SWAP70: variants seen among roughly 807,000 people sequenced by gnomAD.
The protein encoded by SWAP70 is switch-associated protein 70.
In SWAP70, 34 loss-of-function variants were observed where a neutral mutation model predicts 80.2. The ratio of observed to expected loss-of-function variants is 0.42; its 90% CI spans 0.32 to 0.56. SWAP70 has a LOEUF of 0.56. Ranked by LOEUF, SWAP70 falls within the 20% of genes least tolerant of loss-of-function variation. The probability of loss-of-function intolerance (pLI) is 0.09; values close to 1 mark genes in which losing one functional copy is unlikely to be tolerated. For synonymous variants in SWAP70, 239 were observed against 238.5 expected (o/e 1.00, Z -0.02); for missense variants, 578 against 690.7 (o/e 0.84, Z 1.83).
chr11:9,685,531 A>G (rs1373434718), intron 1 of SWAP70, among the ~76,000 whole-genome samples: 1 of 152,114 alleles, frequency 6.6e-6, no homozygotes, highest in Non-Finnish European at 1.5e-5. Context: ...AGAAGGGCAA[A>G]AGAGACTAGG....
At chr11:9,740,380 G>A in intron 9 of SWAP70, 33 bp downstream of exon 9, 1 of 1,610,456 alleles carries the variant, frequency 6.2e-7, no homozygotes, top group Non-Finnish European at 8.5e-7. Context: ...TTGCCTTTAT[G>A]TACTTTGCCT....
intron 1 of SWAP70, among the ~76,000 whole-genome samples, chr11:9,692,636 G>A (rs985098549): frequency 5.3e-5 from 8 of 152,244 alleles, no homozygotes; most frequent in Admixed American, 3.9e-4. Context: ...GATCTGAGAA[G>A]TGTGCATTTC....
intron 2 of SWAP70, 70 bp downstream of exon 2, chr11:9,694,356 C>G (rs1464503035): frequency 4.1e-6 from 6 of 1,476,856 alleles, no homozygotes; most frequent in Middle Eastern, 2.0e-4. Flanking sequence ...CCAAAAGCCC[C>G]CTGTTGGTGA....
chr11:9,731,543 T>C (rs1851298192), intron 6 of SWAP70, among the ~76,000 whole-genome samples: 1 of 152,232 alleles, frequency 6.6e-6, no homozygotes, highest in African/African-American at 2.4e-5. Flanking sequence ...GAATAAGTTA[T>C]GGTTTAGCTG....
At chr11:9,697,753 T>A (rs551376428) in intron 2 of SWAP70, among the ~76,000 whole-genome samples, 5 of 152,242 alleles carry the variant, frequency 3.3e-5, no homozygotes, top group Non-Finnish European at 7.3e-5. Flanking sequence ...CGCCTATGTA[T>A]ATGTGTGTGT....
intron 1 of SWAP70, among the ~76,000 whole-genome samples, chr11:9,678,363 AAG>A (rs1850526118): frequency 6.6e-6 from 1 of 152,152 alleles, no homozygotes; most frequent in African/African-American, 2.4e-5. Context: ...TCTCTAAATA[AAG>A]AGAAAATTAC....
intron 3 of SWAP70, among the ~76,000 whole-genome samples, chr11:9,717,632 C>T (rs1445734753): frequency 1.4e-5 from 2 of 145,182 alleles, no homozygotes; most frequent in African/African-American, 5.1e-5. Context: ...TGCATTGTAG[C>T]CTGGGAGATA....
At chr11:9,698,497 C>T (rs916280514) in intron 2 of SWAP70, among the ~76,000 whole-genome samples, 7 of 152,012 alleles carry the variant, frequency 4.6e-5, no homozygotes, top group African/African-American at 1.4e-4. Context: ...CTCTGCCTCC[C>T]GGGCTCAAGC....
chr11:9,674,366 CTT>C (rs1243032750), intron 1 of SWAP70, among the ~76,000 whole-genome samples: 2 of 152,088 alleles, frequency 1.3e-5, no homozygotes, highest in African/African-American at 2.4e-5. Flanking sequence ...TTTTGTCAAA[CTT>C]ATCAATAAAA....
At position 9,751,669 on chromosome 11, in the gene SWAP70, GTGTA is replaced by G. The variant is rs1336125304; in HGVS notation, c.*1705_*1708del. ...TAGAGAGAGTGGTATTAGAGATTCA[GTGTA>G]TGTATTTATTTACATGAGAGGAAAC... On this transcript the variant is annotated 3_prime_UTR_variant, in exon 12 of 12. Transcript: ENST00000318950. 3.3e-5 allele frequency: 3 copies of G among 91,570 alleles called. No homozygotes were observed. Among genetic ancestry groups the G allele is most frequent in the African/African-American group, 1.1e-4 (3 of 26,658 alleles). The allele number at this position is 91,570 out of a possible 1,614,324, so 5.7% of individuals were successfully genotyped here. A position where few individuals can be genotyped will look rare whatever the true frequency, so the allele number is the denominator to read the frequency against.
intron 2 of SWAP70, among the ~76,000 whole-genome samples, chr11:9,697,926 A>G (rs1010186113): frequency 2.0e-5 from 3 of 152,054 alleles, no homozygotes; most frequent in African/African-American, 7.2e-5. Context: ...TAAGGACTAC[A>G]GCTGCGTGCC....
chr11:9,665,454 T>C (rs956561501), intron 1 of SWAP70, among the ~76,000 whole-genome samples: 1 of 152,208 alleles, frequency 6.6e-6, no homozygotes, highest in African/African-American at 2.4e-5. Flanking sequence ...TTCTATAAAT[T>C]TCAACATATG....
chr11:9,699,657 C>G (rs78361898), intron 2 of SWAP70, among the ~76,000 whole-genome samples: 2 of 151,964 alleles, frequency 1.3e-5, no homozygotes, highest in Non-Finnish European at 2.9e-5. Context: ...GAGTTCAAGA[C>G]CATCCTGGGT....
At chr11:9,725,384 AAT>A (rs200160513) in intron 4 of SWAP70, among the ~76,000 whole-genome samples, 5 of 148,082 alleles carry the variant, frequency 3.4e-5, no homozygotes, top group East Asian at 2.0e-4. Flanking sequence ...ATACAGTTAA[AAT>A]ATATATATAT....
In SWAP70 at chr11:9,713,585, T is replaced by G. The variant is rs1261425106; in HGVS notation, c.360T>G (p.Val120=). Residue 120 remains valine (V), a synonymous_variant, in exon 3 of 12, where the codon GTT becomes GTG. Coordinates refer to ENST00000318950, the MANE Select transcript of SWAP70 (RefSeq NM_015055.4). ...ITEEDAFKIW[V]IFNFLSEDKY... ...AAGAAGATGCATTTAAAATATGGGT[T>G]ATTTTCAACTTTTTATCTGAGGACA... 6.2e-7 allele frequency: 1 copy of G among 1,613,878 alleles called. No homozygotes were observed. The highest frequency in any genetic ancestry group is 1.3e-5 in the African/African-American group (1 of 74,932).
chr11:9,694,573 A>T (rs1850732660), intron 2 of SWAP70, among the ~76,000 whole-genome samples: 1 of 152,196 alleles, frequency 6.6e-6, no homozygotes, highest in Non-Finnish European at 1.5e-5. Context: ...TGCTTTAAAA[A>T]AATCAAGTCT....
intron 6 of SWAP70, among the ~76,000 whole-genome samples, chr11:9,730,213 G>A (rs1190461810): frequency 2.0e-5 from 3 of 151,788 alleles, no homozygotes; most frequent in East Asian, 3.9e-4. Flanking sequence ...CATGTAGGCC[G>A]AGTGCGGTGG....
intron 2 of SWAP70, among the ~76,000 whole-genome samples, chr11:9,706,377 TCAG>T (rs1041478178): frequency 6.6e-6 from 1 of 152,180 alleles, no homozygotes; most frequent in African/African-American, 2.4e-5. Context: ...TATACATTGA[TCAG>T]CACTTGTTTT....
At position 9,664,269 on chromosome 11, in the gene SWAP70, C is replaced by G. The variant is rs1323625022; in HGVS notation, c.90C>G (p.Ser30=). 6.3e-7 allele frequency: 1 copy of G among 1,578,728 alleles called. No individual in the cohort carries two copies. The highest frequency in any genetic ancestry group is 1.4e-5 in the African/African-American group (1 of 73,870). Residue 30 remains serine, a synonymous_variant, in exon 1 of 12, where the codon TCC becomes TCG. Coordinates refer to ENST00000318950, the MANE Select transcript of SWAP70 (RefSeq NM_015055.4). ...ACCACAGCGGCAAGGTCTCCAAGTCCCAGCTCAAGGTGGGCGCCTCCTGAC... is the reference window on the plus strand; with the variant it reads ...ACCACAGCGGCAAGGTCTCCAAGTCGCAGCTCAAGGTGGGCGCCTCCTGAC... ...DQDHSGKVSK[S]QLKVLSHNLC...
Sources: allele counts gnomAD v4.1 joint callset (sites outside exome capture counted in the v4.1 genomes callset), GRCh38; gene constraint gnomAD v4.1.1; transcripts MANE v1.5; gene names NCBI Gene and HGNC (gene_info 2026-07-23, HGNC 2026-07-21).